Variants in HAS1 observed in about 807,000 individuals in gnomAD.
HAS1 encodes the protein HA synthase 1.
In HAS1, 27 loss-of-function variants were observed where a neutral mutation model predicts 35.0. The ratio of observed to expected loss-of-function variants is 0.77; its 90% CI spans 0.57 to 1.06. The LOEUF is 1.06. Ranked by LOEUF, HAS1 falls within the 50% of genes least tolerant of loss-of-function variation. The pLI, the probability that HAS1 is intolerant of heterozygous loss-of-function variation, is 0.00. For synonymous variants in HAS1, 409 were observed against 371.2 expected, an observed-to-expected ratio of 1.10 and a Z score of -1.17; for missense variants, 940 against 814.8, an observed-to-expected ratio of 1.15 and a Z score of -1.87.
rs2083587487 is a variant in HAS1 at position 51,716,443 on chromosome 19, C to T, written c.926-55G>A. 9 of 1,524,660 alleles carry T rather than the reference C, an allele frequency of 5.9e-6. No homozygotes were observed. In the African/African-American group the frequency reaches 1.1e-4, roughly 19 times the overall value. The allele number at this position is 1,524,660 out of a possible 1,614,324, so 94.4% of individuals were successfully genotyped here. The stretch of plus-strand genomic sequence containing the variant: ...CAGCCTCTGCTGTCACCAACACCAA[C>T]TCCAATGCTGTTTCCAGCCCCAACC... On this transcript the variant is annotated intron_variant, in intron 3 of 4. Coordinates refer to ENST00000540069, the MANE Select transcript of HAS1 (RefSeq NM_001297436.2).
At chr19:51,718,534 T>TTTTATTTA (rs555103762) in intron 2 of HAS1, among the ~76,000 whole-genome samples, 2 of 152,064 alleles carry the variant, frequency 1.3e-5, no homozygotes, top group Non-Finnish European at 1.5e-5. Flanking sequence ...AAGGAAGAAC[T>TTTTATTTA]TTTATTTATT....
At chr19:51,717,648 C>T (rs2083596483) in intron 2 of HAS1, among the ~76,000 whole-genome samples, 1 of 152,198 alleles carries the variant, frequency 6.6e-6, no homozygotes, top group African/African-American at 2.4e-5. Context: ...CAGAGAGTCT[C>T]CTTGCTGGCC....
chr19:51,719,246 G>A lies in HAS1; in HGVS notation c.659C>T (p.Thr220Ile), dbSNP rs755469539. 8 of 1,601,218 alleles carry A rather than the reference G, an allele frequency of 5.0e-6. No homozygotes were observed. Among genetic ancestry groups the A allele is most frequent in the Non-Finnish European group, 6.0e-6 (7 of 1,174,462 alleles). Residue 220 changes from threonine (T) to isoleucine (I), a missense_variant, in exon 2 of 5, where the codon ACA becomes ATA. Thr to Ile is a moderately conservative substitution (Grantham distance 89). Transcript: ENST00000540069. ...RWGGKREVMY[T>I]AFKALGDSVD... ...CGAATCTCCGAGCGCCTTGAAGGCT[G>A]TGTACATGACCTCGCGCTTGCCGCC...
At position 51,713,689 on chromosome 19, in the gene HAS1, C is replaced by T. The variant is rs760115520; in HGVS notation, c.1472G>A (p.Gly491Asp). ...TMNQSGWGTS[G>D]RRKLAANYVP... ...GTAGTTAGCGGCCAGCTTCCGCCGG[C>T]CCGAGGTGCCCCAGCCACTCTGGTT... is the stretch of plus-strand genomic sequence containing the variant. The change falls in exon 5 of 5, where the codon GGC becomes GAC. Residue 491 changes from glycine (G) to aspartate (D), a missense_variant. Coordinates refer to ENST00000540069, the MANE Select transcript of HAS1 (RefSeq NM_001297436.2). The surrounding 1 kb of genome is among the most constrained non-coding windows in gnomAD (Gnocchi z 4.5). 1.3e-6 allele frequency: 2 copies of T among 1,591,296 alleles called. No homozygotes were observed. Among genetic ancestry groups the T allele is most frequent in the Non-Finnish European group, 8.5e-7 (1 of 1,170,392 alleles).
chr19:51,713,514 G>T lies in HAS1; in HGVS notation c.1647C>A (p.Gly549=), dbSNP rs762657608. ...ACAGCGTCAACATGGCCACCCAGTA[G>T]CCCACGTAGGCGCCGGCCCCCGCGG... ...HLAAGAGAYV[G]YWVAMLTLYW... The change falls in exon 5 of 5, where the codon GGC becomes GGA. Residue 549 remains glycine, a synonymous_variant. Transcript: ENST00000540069. The surrounding 1 kb of genome is among the most constrained non-coding windows in gnomAD (Gnocchi z 4.5). 6.2e-7 allele frequency: 1 copy of T among 1,604,902 alleles called. No individual in the cohort carries two copies. The highest frequency in any genetic ancestry group is 8.5e-7 in the Non-Finnish European group (1 of 1,176,520).
rs2122266509 is a variant in HAS1 at position 51,719,552 on chromosome 19, C to T, written c.353G>A (p.Arg118His). 1 of 1,546,286 alleles carries T rather than the reference C, an allele frequency of 6.5e-7. No individual in the cohort carries two copies. The highest frequency in any genetic ancestry group is 1.4e-5 in the African/African-American group (1 of 72,442). ...AYLRQCLASA[R>H]ALLYPRARLR... ...CCGCGCGCGCGGGTACAGCAGGGCG[C>T]GGGCGGACGCCAGGCACTGGCGCAG... Residue 118 changes from arginine (R) to histidine (H), a missense_variant, in exon 2 of 5, where the codon CGC becomes CAC. Physicochemically the swap from Arg to His is conservative, Grantham distance 29. Transcript: ENST00000540069.
In HAS1 at chr19:51,719,243, G is replaced by A; in HGVS notation, c.662C>T (p.Ala221Val). 1 of 1,598,654 alleles carries A rather than the reference G, an allele frequency of 6.3e-7. No homozygotes were observed. Among genetic ancestry groups the A allele is most frequent in the Non-Finnish European group, 8.5e-7 (1 of 1,173,050 alleles). ...CACCGAATCTCCGAGCGCCTTGAAG[G>A]CTGTGTACATGACCTCGCGCTTGCC... ...WGGKREVMYTAFKALGDSVDY... is the reference protein window; with the variant it reads ...WGGKREVMYTVFKALGDSVDY... The change falls in exon 2 of 5, where the codon GCC becomes GTC. Residue 221 changes from alanine (A) to valine (V), a missense_variant. Ala to Val is a moderately conservative substitution (Grantham distance 64). Transcript: ENST00000540069.
chr19:51,717,209 G>A lies in HAS1; in HGVS notation c.700-16C>T. On this transcript the variant is annotated splice_polypyrimidine_tract_variant and intron_variant, in intron 2 of 4. Coordinates refer to ENST00000540069, the MANE Select transcript of HAS1 (RefSeq NM_001297436.2). The stretch of plus-strand genomic sequence containing the variant: ...AGTCACAGACCTGTAAGGTGGAAGG[G>A]GCCAGGATCAGCACAGACCCCTGCA... 1 of 1,567,840 alleles carries A rather than the reference G, an allele frequency of 6.4e-7. No homozygotes were observed. Among genetic ancestry groups the A allele is most frequent in the Non-Finnish European group, 8.8e-7 (1 of 1,141,152 alleles).
chr19:51,716,429 G>A (rs1238139453), intron 3 of HAS1, 41 bp from the exon 4 acceptor site: 13 of 1,569,984 alleles, frequency 8.3e-6, no homozygotes, highest in Non-Finnish European at 1.1e-5. Flanking sequence ...AGCCTCTGCT[G>A]TCACCAACAC....
Position 51,719,622 on chromosome 19 carries a change from T to C in HAS1, c.283A>G (p.Ser95Gly). 1 of 1,539,038 alleles carries C rather than the reference T, an allele frequency of 6.5e-7. No homozygotes were observed. ...TAGGCGGAGATGGTCAGCGCCACACTGCGCGCGGTGGCTGCATCCAGCGGC... is the reference window on the plus strand; with the variant it reads ...TAGGCGGAGATGGTCAGCGCCACACCGCGCGCGGTGGCTGCATCCAGCGGC... ...RGPLDAATAR[S>G]VALTISAYQE... Residue 95 changes from serine (S) to glycine (G), a missense_variant, in exon 2 of 5, where the codon AGT becomes GGT. Transcript: ENST00000540069.
At chr19:51,723,012 C>T (rs1024428591) in intron 1 of HAS1, among the ~76,000 whole-genome samples, 3 of 152,162 alleles carry the variant, frequency 2.0e-5, no homozygotes, top group African/African-American at 7.2e-5. Flanking sequence ...CTTCTCGAAT[C>T]CCCCTTCTCT....
Position 51,713,331 on chromosome 19 carries a change from C to A in HAS1, c.*96G>T. Reference sequence around the variant, plus strand: ...GTTTTGCAGAGGAGGGAAACTGAGGCCCAGAGAACCACCCAGCAAGTTCGT... The same window carrying A: ...GTTTTGCAGAGGAGGGAAACTGAGGACCAGAGAACCACCCAGCAAGTTCGT... On this transcript the variant is annotated 3_prime_UTR_variant, in exon 5 of 5. Transcript: ENST00000540069. This position sits in a 1 kb window ranked among gnomAD's most constrained non-coding sequence, Gnocchi z 4.5. 8.2e-7 allele frequency: 1 copy of A among 1,222,830 alleles called. No individual in the cohort carries two copies. The highest frequency in any genetic ancestry group is 1.1e-6 in the Non-Finnish European group (1 of 916,776). The allele number at this position is 1,222,830 out of a possible 1,614,324, so 75.7% of individuals were successfully genotyped here.
chr19:51,721,578 G>A (rs1374931910), intron 1 of HAS1, among the ~76,000 whole-genome samples: 2 of 152,132 alleles, frequency 1.3e-5, no homozygotes, highest in African/African-American at 4.8e-5. Flanking sequence ...AGGAGTTCGA[G>A]ATTAGCCTGG....
At chr19:51,716,230 C>A (rs2083585151) in intron 4 of HAS1, 26 bp downstream of exon 4, 2 of 1,602,412 alleles carry the variant, frequency 1.2e-6, no homozygotes, top group Non-Finnish European at 1.7e-6. Flanking sequence ...CCACACATAC[C>A]CGACCACCTG....
Position 51,713,321 on chromosome 19 carries a change from G to A in HAS1, c.*106C>T. On this transcript the variant is annotated 3_prime_UTR_variant, in exon 5 of 5. Transcript: ENST00000540069. The surrounding 1 kb of genome is among the most constrained non-coding windows in gnomAD (Gnocchi z 4.5). Reference sequence around the variant, plus strand: ...TGACCCCCTCGTTTTGCAGAGGAGGGAAACTGAGGCCCAGAGAACCACCCA... The same window carrying A: ...TGACCCCCTCGTTTTGCAGAGGAGGAAAACTGAGGCCCAGAGAACCACCCA... 8.8e-7 allele frequency: 1 copy of A among 1,138,106 alleles called. No homozygotes were observed. The highest frequency in any genetic ancestry group is 1.2e-6 in the Non-Finnish European group (1 of 842,128). The allele number at this position is 1,138,106 out of a possible 1,614,324, so 70.5% of individuals were successfully genotyped here. A position where few individuals can be genotyped will look rare whatever the true frequency, so the allele number is the denominator to read the frequency against.
chr19:51,717,013 A>G lies in HAS1; in HGVS notation c.880T>C (p.Cys294Arg). The G allele has an allele frequency of 2.5e-6, 4 of 1,614,036 alleles. No homozygotes were observed. The highest frequency in any genetic ancestry group is 3.4e-6 in the Non-Finnish European group (4 of 1,179,978). ...YWVAFNVERA[C>R]QSYFHCVSCI... ...GATACACAGTGGAAGTAGCTCTGAC[A>G]AGCCCGCTCCACATTGAAGGCTACC... Residue 294 changes from cysteine (C) to arginine (R), a missense_variant, in exon 3 of 5, where the codon TGT (cysteine) becomes CGT (arginine). Cys to Arg is a radical substitution (Grantham distance 180, BLOSUM62 -3). Coordinates refer to ENST00000540069, the MANE Select transcript of HAS1 (RefSeq NM_001297436.2).
At position 51,717,082 on chromosome 19, in the gene HAS1, G is replaced by T; in HGVS notation, c.811C>A (p.Pro271Thr). The change falls in exon 3 of 5, where the codon CCT (proline) becomes ACT (threonine). Residue 271 changes from proline to threonine, a missense_variant. By Grantham distance (38) the Pro-to-Thr change is conservative (BLOSUM62 -1). Transcript: ENST00000540069. ...AGGAAGCTGACCCAGGAGTCCAGAG[G>T]GTTAAGGATCCGCACGTCCCCACCA... Reference protein sequence around the residue: ...AVGGDVRILNPLDSWVSFLSS... With the variant: ...AVGGDVRILNTLDSWVSFLSS... The T allele has an allele frequency of 6.2e-7, 1 of 1,614,006 alleles. No individual in the cohort carries two copies. Among genetic ancestry groups the T allele is most frequent in the African/African-American group, 1.3e-5 (1 of 75,014 alleles).
At chr19:51,721,472 A>T (rs1050493014) in intron 1 of HAS1, among the ~76,000 whole-genome samples, 86 of 151,894 alleles carry the variant, frequency 5.7e-4, no homozygotes, top group Middle Eastern at 3.4e-3. Context: ...ATATATATAA[A>T]TTTTTTTTTA....
Position 51,717,093 on chromosome 19 carries a change from C to T in HAS1, c.800G>A (p.Arg267Gln), listed in dbSNP as rs137939869. The change falls in exon 3 of 5, where the codon CGG becomes CAG. Residue 267 changes from arginine (R) to glutamine (Q), a missense_variant. Physicochemically the swap from Arg to Gln is conservative, Grantham distance 43. Coordinates refer to ENST00000540069, the MANE Select transcript of HAS1 (RefSeq NM_001297436.2). ...PRVGAVGGDVRILNPLDSWVS... is the reference protein window; with the variant it reads ...PRVGAVGGDVQILNPLDSWVS... ...CCAGGAGTCCAGAGGGTTAAGGATC[C>T]GCACGTCCCCACCAACAGCCCCTAC... 333 of 1,613,956 alleles carry T rather than the reference C, an allele frequency of 2.1e-4. No individual in the cohort carries two copies. The highest frequency in any genetic ancestry group is 1.4e-4 in the Non-Finnish European group (161 of 1,179,896).
Sources: allele counts gnomAD v4.1 joint callset (sites outside exome capture counted in the v4.1 genomes callset), GRCh38; gene constraint gnomAD v4.1.1; non-coding constraint Gnocchi (gnomAD v3.1); transcripts MANE v1.5; gene names NCBI Gene and HGNC (gene_info 2026-07-23, HGNC 2026-07-21).